Variants in DCAKD observed in about 807,000 individuals in gnomAD.
DCAKD encodes the protein dephospho-CoA kinase domain containing, also known as dephospho-CoA kinase domain-containing protein.
DCAKD carries 15 observed loss-of-function variants against 18.7 expected under a neutral mutation model. The observed-to-expected ratio is 0.80, with a 90% CI of 0.54 to 1.24. The LOEUF is 1.24. DCAKD is among the 50% of genes most tolerant of loss of function. The probability of loss-of-function intolerance (pLI) is 0.00; values close to 1 mark genes in which losing one functional copy is unlikely to be tolerated. For synonymous variants in DCAKD, 130 were observed against 133.0 expected (o/e 0.98, Z 0.16); for missense variants, 301 against 322.0 (o/e 0.93, Z 0.50).
chr17:45,024,270 C>CCTGA lies in DCAKD; in HGVS notation c.*159_*162dup. 1.1e-6 allele frequency: 1 copy of CCTGA among 936,902 alleles called. No homozygotes were observed. Among genetic ancestry groups the CCTGA allele is most frequent in the Non-Finnish European group, 1.5e-6 (1 of 651,674 alleles). The allele number at this position is 936,902 out of a possible 1,614,324, so 58.0% of individuals were successfully genotyped here. ...GGATGGCCTGGCACAGAGGCCCAGC[C>CCTGA]CTGATTCGGAGAGTCCGTGTGTGTG... On this transcript the variant is annotated 3_prime_UTR_variant, in exon 5 of 5. Coordinates refer to ENST00000651974, the MANE Select transcript of DCAKD (RefSeq NM_001288655.2).
At chr17:45,030,068 A>G (rs780116609) in intron 4 of DCAKD, 24 bp downstream of exon 4, 52 of 1,597,246 alleles carry the variant, frequency 3.3e-5, no homozygotes, top group Non-Finnish European at 4.4e-5. Flanking sequence ...CCTCCCTTCC[A>G]GCCAGGGCAT....
At chr17:45,049,602 C>T (rs1452050043) in intron 1 of DCAKD, among the ~76,000 whole-genome samples, 1 of 149,560 alleles carries the variant, frequency 6.7e-6, no homozygotes, top group Non-Finnish European at 1.5e-5. Context: ...TCAACATTCA[C>T]AATTAACCAG....
intron 1 of DCAKD, among the ~76,000 whole-genome samples, chr17:45,059,507 G>A (rs985184244): frequency 2.0e-5 from 3 of 152,162 alleles, no homozygotes; most frequent in African/African-American, 7.2e-5. Context: ...GCACTTAGGC[G>A]AGATTACTCA....
At chr17:45,032,414 A>G (rs2053190662) in intron 3 of DCAKD, among the ~76,000 whole-genome samples, 1 of 150,396 alleles carries the variant, frequency 6.6e-6, no homozygotes, top group African/African-American at 2.4e-5. Flanking sequence ...GGTATTGGCC[A>G]CAGGGGGATG....
chr17:45,043,447 C>CA (rs1356022599), intron 1 of DCAKD, among the ~76,000 whole-genome samples: 1 of 152,178 alleles, frequency 6.6e-6, no homozygotes, highest in Non-Finnish European at 1.5e-5. Flanking sequence ...TTGAACCCTG[C>CA]AGGCTGGGCG....
At chr17:45,053,208 G>A (rs1463117389), upstream of DCAKD, among the ~76,000 whole-genome samples, 3 of 140,894 alleles carry the variant, frequency 2.1e-5, no homozygotes, top group African/African-American at 8.0e-5. Flanking sequence ...TAGTTATCTA[G>A]TTATGCCTCA....
upstream of DCAKD, among the ~76,000 whole-genome samples, chr17:45,056,032 G>A (rs1461760210): frequency 6.6e-6 from 1 of 152,004 alleles, no homozygotes; most frequent in Non-Finnish European, 1.5e-5. Context: ...GCTCGCACCT[G>A]TAATCCCAGC....
chr17:45,024,729 G>A lies in DCAKD; in HGVS notation c.405-5C>T. The A allele has an allele frequency of 6.4e-7, 1 of 1,562,014 alleles. No individual in the cohort carries two copies. The highest frequency in any genetic ancestry group is 8.7e-7 in the Non-Finnish European group (1 of 1,150,190). On this transcript the variant is annotated splice_region_variant and splice_polypyrimidine_tract_variant and intron_variant, in intron 4 of 4. Coordinates refer to ENST00000651974, the MANE Select transcript of DCAKD (RefSeq NM_001288655.2). ...GCCAGCTGTGTGTCCCGGTCGCTAA[G>A]GATAGGGCAAAAGGGCACTGTAGGT...
Position 45,033,871 on chromosome 17 carries a change from G to A in DCAKD, c.316+316C>T, listed in dbSNP as rs1001876068. Reference sequence around the variant, plus strand: ...AAGTCAGGGTTGGGATTTGAACTCAGATCTATGGCTCCATTATTCACCAGC... The same window carrying A: ...AAGTCAGGGTTGGGATTTGAACTCAAATCTATGGCTCCATTATTCACCAGC... On this transcript the variant is annotated intron_variant, in intron 3 of 4. Transcript: ENST00000651974. 4.6e-6 allele frequency: 6 copies of A among 1,291,148 alleles called. No homozygotes were observed. The African/African-American group carries it at 9.0e-5, about 19-fold the overall frequency. 80.0% of individuals were successfully genotyped at this position (1,291,148 alleles called of 1,614,324 possible).
intron 1 of DCAKD, among the ~76,000 whole-genome samples, chr17:45,058,347 ATC>A (rs1401374815): frequency 3.9e-5 from 6 of 151,970 alleles, no homozygotes; most frequent in Non-Finnish European, 8.8e-5. Flanking sequence ...CACACAAAAT[ATC>A]TTTTTATCTT....
chr17:45,058,973 G>A (rs1015712481), intron 1 of DCAKD, among the ~76,000 whole-genome samples: 1 of 152,086 alleles, frequency 6.6e-6, no homozygotes, highest in African/African-American at 2.4e-5. Flanking sequence ...GGGCGCGGTG[G>A]CTCACGCCTG....
chr17:45,034,373 G>A lies in DCAKD; in HGVS notation c.130C>T (p.Pro44Ser), dbSNP rs1381715322. 6.2e-7 allele frequency: 1 copy of A among 1,613,662 alleles called. No individual in the cohort carries two copies. Among genetic ancestry groups the A allele is most frequent in the Non-Finnish European group, 8.5e-7 (1 of 1,180,028 alleles). ...MARHVVQPGY[P>S]AHRRIVEVFG... Reference sequence around the variant, plus strand: ...ACCTCTACGATGCGCCGGTGGGCAGGGTATCCTGGCTGCACGACTGTGGCA... The same window carrying A: ...ACCTCTACGATGCGCCGGTGGGCAGAGTATCCTGGCTGCACGACTGTGGCA... Residue 44 changes from proline to serine, a missense_variant, in exon 3 of 5, where the codon CCT becomes TCT. Physicochemically the swap from Pro to Ser is moderately conservative, Grantham distance 74. Transcript: ENST00000651974.
At position 45,039,807 on chromosome 17, in the gene DCAKD, G is replaced by C. The variant is rs1036877126; in HGVS notation, c.-114-4808C>G. ...CCCTTCAGTGGTTCAGAGCTCTCCT[G>C]GGAGTGGTGAATAAATGCTCCCCTG... On this transcript the variant is annotated intron_variant, in intron 1 of 4. Coordinates refer to ENST00000651974, the MANE Select transcript of DCAKD (RefSeq NM_001288655.2). Among the ~76,000 whole-genome samples the C allele has an allele frequency of 2.6e-5, 4 of 152,342 alleles. No homozygotes were observed. The East Asian group carries it at 5.8e-4, about 22-fold the overall frequency.
At chr17:45,059,248 A>AG (rs2053822458) in intron 1 of DCAKD, among the ~76,000 whole-genome samples, 1 of 149,548 alleles carries the variant, frequency 6.7e-6, no homozygotes, top group Admixed American at 6.8e-5. Flanking sequence ...ACTCCGTCTC[A>AG]GAAAAAAAAA....
intron 4 of DCAKD, among the ~76,000 whole-genome samples, chr17:45,027,459 GC>G (rs1462364971): frequency 6.6e-6 from 1 of 152,186 alleles, no homozygotes; most frequent in Non-Finnish European, 1.5e-5. Context: ...TTTTTGTAAA[GC>G]CTAGATCCCT....
chr17:45,027,127 G>A (rs997704430), intron 4 of DCAKD, among the ~76,000 whole-genome samples: 7 of 152,184 alleles, frequency 4.6e-5, no homozygotes, highest in Non-Finnish European at 1.0e-4. Flanking sequence ...GGATCATTGA[G>A]CCCAGGAGCT....
In DCAKD at chr17:45,035,480, TAAAAAAAAAAAA is replaced by T. The variant is rs35837364; in HGVS notation, c.-114-493_-114-482del. Among the ~76,000 whole-genome samples the T allele has an allele frequency of 1.2e-3, 104 of 86,970 alleles. 1 individual carries two copies. Among genetic ancestry groups the T allele is most frequent in the South Asian group, 6.4e-3 (15 of 2,336 alleles). The allele number at this position is 86,970 out of a possible 152,430, so 57.1% of individuals were successfully genotyped here. A position where few individuals can be genotyped will look rare whatever the true frequency, so the allele number is the denominator to read the frequency against. On this transcript the variant is annotated intron_variant, in intron 1 of 4. Transcript: ENST00000651974. ...GTGGGTGACAGAACCAGATTCCTTCTAAAAAAAAAAAAAAAAAAAAAAGCAAACGAACACTAT... is the reference window on the plus strand; with the variant it reads ...GTGGGTGACAGAACCAGATTCCTTCTAAAAAAAAAAGCAAACGAACACTAT...
At chr17:45,048,515 T>C (rs749319485) in intron 1 of DCAKD, among the ~76,000 whole-genome samples, 2 of 152,258 alleles carry the variant, frequency 1.3e-5, no homozygotes, top group Non-Finnish European at 2.9e-5. Flanking sequence ...TACATGCCCA[T>C]AGTCCCAGCT....
chr17:45,042,612 C>T (rs2053465952), intron 1 of DCAKD, among the ~76,000 whole-genome samples: 1 of 152,252 alleles, frequency 6.6e-6, no homozygotes, highest in African/African-American at 2.4e-5. Flanking sequence ...CATTTCCTGC[C>T]TTGGGACCCA....
Sources: allele counts gnomAD v4.1 joint callset (sites outside exome capture counted in the v4.1 genomes callset), GRCh38; gene constraint gnomAD v4.1.1; transcripts MANE v1.5; gene names NCBI Gene and HGNC (gene_info 2026-07-23, HGNC 2026-07-21).